The following PER3 variants were observed in gnomAD, a reference collection of about 807,000 sequenced individuals.
PER3 encodes period circadian regulator 3, also known as period circadian protein homolog 3.
PER3 carries 107 observed loss-of-function variants against 127.2 expected under a neutral mutation model. That is an observed-to-expected ratio of 0.84 (90% CI 0.72 to 0.99). The LOEUF is 0.99. Among genes scored for constraint, PER3 ranks in the 50% least tolerant of loss-of-function variants. The pLI is 0.00. For synonymous variants in PER3, 618 were observed against 585.8 expected (o/e 1.05, Z -0.79); for missense variants, 1,560 against 1,525.8 (o/e 1.02, Z -0.37).
chr1:7,793,976 T>G lies in PER3; in HGVS notation c.612T>G (p.Cys204Trp), dbSNP rs1232989225. 1 of 1,614,138 alleles carries G rather than the reference T, an allele frequency of 6.2e-7. No individual in the cohort carries two copies. Among genetic ancestry groups the G allele is most frequent in the Non-Finnish European group, 8.5e-7 (1 of 1,179,936 alleles). ...TTCTAGCAGCTGCACGGTATGAATG[T>G]GCTCCGGTGAAACCTTTTTTCTGCA... Reference protein sequence around the residue: ...WTQRAAARYECAPVKPFFCRI... With the variant: ...WTQRAAARYEWAPVKPFFCRI... Residue 204 changes from cysteine to tryptophan, a missense_variant, in exon 6 of 22, where the codon TGT (cysteine) becomes TGG (tryptophan). Cys to Trp is a radical substitution (Grantham distance 215). Around this residue, in one of 3 missense-constraint regions of PER3, gnomAD observed 1,332 missense variants for 1,223.6 expected, o/e 1.09. Transcript: ENST00000377532.
chr1:7,796,031 C>G (rs547899369), intron 6 of PER3, among the ~76,000 whole-genome samples: 20 of 152,178 alleles, frequency 1.3e-4, no homozygotes, highest in Non-Finnish European at 2.6e-4. Context: ...CCATCTTTGG[C>G]CAGTAGGAAT....
intron 6 of PER3, among the ~76,000 whole-genome samples, chr1:7,795,299 T>C (rs1249736485): frequency 6.6e-6 from 1 of 152,234 alleles, no homozygotes; most frequent in African/African-American, 2.4e-5. Context: ...CAAACAGTTC[T>C]TGCCTCACGT....
intron 4 of PER3, chr1:7,787,291 C>T (rs2097096288): frequency 3.8e-6 from 1 of 262,462 alleles, no homozygotes; most frequent in Non-Finnish European, 5.0e-6. Context: ...TGGAAGAGAC[C>T]TTTAGTATAT....
At chr1:7,797,890 G>A (rs1255490594) in intron 6 of PER3, among the ~76,000 whole-genome samples, 1 of 152,198 alleles carries the variant, frequency 6.6e-6, no homozygotes, top group Non-Finnish European at 1.5e-5. Flanking sequence ...GATATTTGAA[G>A]TCATCAATCA....
Position 7,817,727 on chromosome 1 carries a change from T to C in PER3, c.1523-1558T>C, listed in dbSNP as rs530833937. On this transcript the variant is annotated intron_variant, in intron 13 of 21. Coordinates refer to ENST00000377532, the MANE Select transcript of PER3 (RefSeq NM_001377275.1). Reference sequence around the variant, plus strand: ...GGATGGATAGACACGGGTTAGTATATTATACCAAATAAAGAATAAAACAGA... The same window carrying C: ...GGATGGATAGACACGGGTTAGTATACTATACCAAATAAAGAATAAAACAGA... 6.6e-5 allele frequency among the ~76,000 whole-genome samples: 10 copies of C among 152,228 alleles called. No homozygotes were observed. In the East Asian group the frequency reaches 1.9e-3, roughly 29 times the overall value.
intron 7 of PER3, among the ~76,000 whole-genome samples, chr1:7,799,047 C>T (rs1401821799): frequency 6.6e-6 from 1 of 152,140 alleles, no homozygotes; most frequent in East Asian, 1.9e-4. Flanking sequence ...TTTTTGAAGT[C>T]TTCTGAAACT....
At chr1:7,797,533 G>T (rs2097150934) in intron 6 of PER3, among the ~76,000 whole-genome samples, 1 of 152,068 alleles carries the variant, frequency 6.6e-6, no homozygotes, top group Non-Finnish European at 1.5e-5. Context: ...TACTCGGGAG[G>T]CTGAGGCAGG....
intron 14 of PER3, among the ~76,000 whole-genome samples, chr1:7,819,660 C>A (rs140842902): frequency 6.6e-6 from 1 of 152,102 alleles, no homozygotes; most frequent in Non-Finnish European, 1.5e-5. Context: ...CTAATTTTGT[C>A]AAAATTAAAT....
intron 3 of PER3, 35 bp from the exon 4 acceptor site, chr1:7,786,686 A>C: frequency 9.3e-7 from 1 of 1,070,320 alleles, no homozygotes; most frequent in Non-Finnish European, 1.5e-6. Context: ...TACTGTTGTC[A>C]CTGGACTACC....
intron 8 of PER3, 56 bp from the exon 9 acceptor site, chr1:7,802,991 A>C: frequency 2.2e-6 from 2 of 893,468 alleles, no homozygotes; most frequent in Non-Finnish European, 3.8e-6. Context: ...TATTTTTAAA[A>C]GTGTATAAGA....
intron 10 of PER3, among the ~76,000 whole-genome samples, chr1:7,804,940 C>A (rs2097186640): frequency 1.3e-5 from 2 of 151,482 alleles, no homozygotes; most frequent in South Asian, 4.2e-4. Flanking sequence ...CTGATCGCGG[C>A]TCACTGCAAC....
chr1:7,799,976 C>T (rs1207250859), intron 7 of PER3, among the ~76,000 whole-genome samples: 3 of 151,894 alleles, frequency 2.0e-5, no homozygotes, highest in Admixed American at 6.6e-5. Context: ...CAGGGTCACA[C>T]TATGTTGCCC....
rs548663470 is a variant in PER3, at chr1:7,828,371, C to T, written c.2886+556C>T. Among the ~76,000 whole-genome samples the T allele has an allele frequency of 1.1e-4, 17 of 152,262 alleles. No homozygotes were observed. The South Asian group carries it at 2.9e-3, about 26-fold the overall frequency. ...AACCAAAAGCTTTTTTGGTCTGCTT[C>T]CTTTAACTTTTCATCCCTTTACCTA... On this transcript the variant is annotated intron_variant, in intron 18 of 21. Coordinates refer to ENST00000377532, the MANE Select transcript of PER3 (RefSeq NM_001377275.1).
At position 7,837,020 on chromosome 1, in the gene PER3, A is replaced by G; in HGVS notation, c.3420A>G (p.Lys1140=). 3.1e-6 allele frequency: 5 copies of G among 1,613,668 alleles called. No homozygotes were observed. The highest frequency in any genetic ancestry group is 4.2e-6 in the Non-Finnish European group (5 of 1,179,806). Residue 1140 remains lysine, a synonymous_variant, in exon 21 of 22, where the codon AAA becomes AAG. Transcript: ENST00000377532. The stretch of plus-strand genomic sequence containing the variant: ...TCAGGGTTAAAGAAGTTGTACTAAA[A>G]GAAGACCTGGAAAAGCTAGAAAGTA... The part of the protein sequence containing the change: ...VPERVKEVVL[K]EDLEKLESMR...
chr1:7,804,357 T>C (rs1404319163), intron 10 of PER3, among the ~76,000 whole-genome samples: 2 of 151,506 alleles, frequency 1.3e-5, no homozygotes, highest in Non-Finnish European at 2.9e-5. Flanking sequence ...TGTAAAACTT[T>C]TTATATCAGC....
At chr1:7,824,997 T>G (rs2097294810) in intron 16 of PER3, among the ~76,000 whole-genome samples, 1 of 151,846 alleles carries the variant, frequency 6.6e-6, no homozygotes, top group Non-Finnish European at 1.5e-5. Context: ...TCCTCGGGGG[T>G]CACTTTCCTT....
intron 10 of PER3, 148 bp from the exon 11 acceptor site, chr1:7,808,745 A>G: frequency 1.6e-6 from 1 of 623,118 alleles, no homozygotes; most frequent in Middle Eastern, 4.3e-4. Context: ...CTGTACCTTC[A>G]TGAATAGAAT....
At chr1:7,835,689 T>C (rs2097354776) in intron 19 of PER3, 73 bp from the exon 20 acceptor site, 5 of 1,088,520 alleles carry the variant, frequency 4.6e-6, no homozygotes, top group South Asian at 2.8e-5. Context: ...GGCAAGAGTC[T>C]GAAGAATGAG....
Position 7,836,123 on chromosome 1 carries a change from G to A in PER3, c.3398+178G>A, listed in dbSNP as rs902648114. On this transcript the variant is annotated intron_variant, in intron 20 of 21. Coordinates refer to ENST00000377532, the MANE Select transcript of PER3 (RefSeq NM_001377275.1). ...AGCGATTCTTCTGCCTCAGCCTCCC[G>A]AGTAGCTGGAATTATAGATGTGCAC... Among the ~76,000 whole-genome samples the A allele has an allele frequency of 5.9e-5, 9 of 151,968 alleles. No homozygotes were observed. In the South Asian group the frequency reaches 6.2e-4, roughly 11 times the overall value.
Sources: allele counts gnomAD v4.1 joint callset (sites outside exome capture counted in the v4.1 genomes callset), GRCh38; gene constraint gnomAD v4.1.1; regional missense constraint gnomAD v4.1.1; transcripts MANE v1.5; gene names NCBI Gene and HGNC (gene_info 2026-07-23, HGNC 2026-07-21).